The following FAM13A variants were observed in gnomAD, a reference collection of about 807,000 sequenced individuals.
FAM13A encodes the protein family with sequence similarity 13 member A.
FAM13A carries 76 observed loss-of-function variants against 129.6 expected under a neutral mutation model. The ratio of observed to expected loss-of-function variants is 0.59; its 90% confidence interval spans 0.49 to 0.71. The LOEUF is 0.71. FAM13A is among the 30% of genes least tolerant of loss of function. The probability of loss-of-function intolerance (pLI) is 0.00; values close to 1 mark genes in which losing one functional copy is unlikely to be tolerated. For missense variants in FAM13A, 1,108 were observed against 1,249.3 expected, an observed-to-expected ratio of 0.89 and a Z score of 1.70; for synonymous variants, 443 against 449.9, an observed-to-expected ratio of 0.98 and a Z score of 0.20.
At chr4:89,016,340 T>C (rs1487502465) in intron 3 of FAM13A, among the ~76,000 whole-genome samples, 2 of 152,180 alleles carry the variant, frequency 1.3e-5, no homozygotes, top group Non-Finnish European at 2.9e-5. Flanking sequence ...AGAATCAAAA[T>C]GTTTTTAAAA....
intron 6 of FAM13A, among the ~76,000 whole-genome samples, chr4:88,874,288 A>G (rs563187564): frequency 6.6e-6 from 1 of 152,324 alleles, no homozygotes; most frequent in South Asian, 2.1e-4. Context: ...AGTTCTGGCC[A>G]GGGAAATCAG....
At chr4:88,921,660 C>T (rs959051475) in intron 5 of FAM13A, among the ~76,000 whole-genome samples, 1 of 152,164 alleles carries the variant, frequency 6.6e-6, no homozygotes, top group Non-Finnish European at 1.5e-5. Context: ...GCAAAATAAT[C>T]AGCTAACATC....
chr4:88,831,613 T>C (rs965351901), intron 7 of FAM13A, among the ~76,000 whole-genome samples: 3 of 152,192 alleles, frequency 2.0e-5, no homozygotes, highest in Admixed American at 6.5e-5. Context: ...AGTGAAAATA[T>C]ATTTAAAATA....
At chr4:88,832,422 A>G (rs979722442) in intron 7 of FAM13A, among the ~76,000 whole-genome samples, 2 of 152,232 alleles carry the variant, frequency 1.3e-5, no homozygotes, top group African/African-American at 2.4e-5. Context: ...CTGCACAGCA[A>G]AAGAAACTAT....
chr4:88,921,221 A>G (rs566124988), intron 5 of FAM13A, among the ~76,000 whole-genome samples: 2 of 151,954 alleles, frequency 1.3e-5, no homozygotes, highest in Non-Finnish European at 2.9e-5. Context: ...ATACTCCTCG[A>G]GAAGAGCAAC....
rs192365731 is a variant in FAM13A at position 88,919,318 on chromosome 4, T to A, written c.760-12856A>T. Among the ~76,000 whole-genome samples, 216 of 152,350 alleles carry A rather than the reference T, an allele frequency of 1.4e-3. 1 individual carries two copies. The highest frequency in any genetic ancestry group is 2.4e-3 in the Non-Finnish European group (161 of 68,040). ...AAGGAATGCACAGAATTGATTCACC[T>A]GGTAAATTAGGTAGTTGGAAGTCTG... On this transcript the variant is annotated intron_variant, in intron 5 of 23. Transcript: ENST00000264344.
At chr4:88,994,869 T>C (rs922009710) in intron 3 of FAM13A, among the ~76,000 whole-genome samples, 1 of 152,048 alleles carries the variant, frequency 6.6e-6, no homozygotes, top group Non-Finnish European at 1.5e-5. Flanking sequence ...ATAATTACTT[T>C]GCTATGGCTT....
At chr4:88,909,119 T>C (rs915169979) in intron 5 of FAM13A, among the ~76,000 whole-genome samples, 1 of 152,216 alleles carries the variant, frequency 6.6e-6, no homozygotes, top group Non-Finnish European at 1.5e-5. Flanking sequence ...TGAAAATTTA[T>C]GTCCACAGCA....
chr4:89,048,545 C>T (rs1311454959), intron 1 of FAM13A, among the ~76,000 whole-genome samples: 1 of 152,072 alleles, frequency 6.6e-6, no homozygotes, highest in African/African-American at 2.4e-5. Context: ...AGTCATTAAA[C>T]TGTACAGTTT....
intron 1 of FAM13A, among the ~76,000 whole-genome samples, chr4:89,032,835 C>CCTAG (rs1768883828): frequency 6.6e-6 from 1 of 152,184 alleles, no homozygotes; most frequent in Non-Finnish European, 1.5e-5. Flanking sequence ...CTAGGAAAGA[C>CCTAG]AGGGCTCAGT....
intron 4 of FAM13A, among the ~76,000 whole-genome samples, chr4:88,971,795 C>G (rs1760119174): frequency 6.6e-6 from 1 of 152,168 alleles, no homozygotes; most frequent in South Asian, 2.1e-4. Flanking sequence ...CAGGCATGAG[C>G]CACCGCTCCT....
intron 7 of FAM13A, among the ~76,000 whole-genome samples, chr4:88,814,271 T>C (rs1249094007): frequency 6.6e-6 from 1 of 152,216 alleles, no homozygotes. Flanking sequence ...TGAAGCACTA[T>C]GCAGTCTGGC....
intron 5 of FAM13A, among the ~76,000 whole-genome samples, chr4:88,919,931 G>A (rs549437635): frequency 1.3e-5 from 2 of 152,370 alleles, no homozygotes; most frequent in African/African-American, 4.8e-5. Flanking sequence ...TACGCCCACA[G>A]AGTCTCGCTG....
At chr4:88,972,536 A>G (rs529302619) in intron 4 of FAM13A, among the ~76,000 whole-genome samples, 3 of 151,830 alleles carry the variant, frequency 2.0e-5, no homozygotes, top group South Asian at 2.1e-4. Flanking sequence ...CCTGACCTCA[A>G]GTGACCCACC....
At chr4:88,758,723 A>C in intron 14 of FAM13A, 31 bp downstream of exon 14, 1 of 1,597,870 alleles carries the variant, frequency 6.3e-7, no homozygotes, top group Non-Finnish European at 8.5e-7. Context: ...CTTTAATGAT[A>C]GCAAATCATC....
intron 2 of FAM13A, among the ~76,000 whole-genome samples, chr4:89,026,756 G>T (rs183349191): frequency 6.6e-6 from 1 of 152,312 alleles, no homozygotes; most frequent in East Asian, 1.9e-4. Flanking sequence ...CCCTTGACAC[G>T]TGGGGATTGG....
At chr4:88,735,062 T>C (rs183472576) in intron 21 of FAM13A, among the ~76,000 whole-genome samples, 1 of 152,244 alleles carries the variant, frequency 6.6e-6, no homozygotes, top group African/African-American at 2.4e-5. Context: ...CTGGAACCCG[T>C]ATCACATAAG....
intron 3 of FAM13A, among the ~76,000 whole-genome samples, chr4:89,008,000 TC>T (rs56313499): frequency 0.54 from 81,965 of 151,916 alleles, 22,690 homozygotes; most frequent in Middle Eastern, 0.7. Context: ...ATCATTTTTT[TC>T]CACAGCATTT....
At chr4:89,022,790 T>C (rs952323337) in intron 2 of FAM13A, among the ~76,000 whole-genome samples, 3 of 152,184 alleles carry the variant, frequency 2.0e-5, no homozygotes, top group African/African-American at 7.2e-5. Context: ...CTGATGTACT[T>C]TATTAGCTAC....
Sources: allele counts gnomAD v4.1 joint callset (sites outside exome capture counted in the v4.1 genomes callset), GRCh38; gene constraint gnomAD v4.1.1; transcripts MANE v1.5; gene names NCBI Gene and HGNC (gene_info 2026-07-23, HGNC 2026-07-21).